Variants in RAB3B observed in about 807,000 individuals in gnomAD.
RAB3B encodes ras-related protein Rab-3B.
RAB3B carries 11 observed loss-of-function variants against 20.5 expected under a neutral mutation model. That is an observed-to-expected ratio of 0.54 (90% CI 0.34 to 0.89). The LOEUF (loss-of-function observed/expected upper bound fraction) is 0.89, where lower values mean the gene tolerates loss of function less well. Ranked by LOEUF, RAB3B falls within the 40% of genes least tolerant of loss-of-function variation. RAB3B has a pLI of 0.02. For synonymous variants in RAB3B, 99 were observed against 106.3 expected (o/e 0.93, Z 0.42); for missense variants, 225 against 280.9 (o/e 0.80, Z 1.42).
chr1:51,977,183 T>C (rs1685022541), intron 1 of RAB3B, 66 bp from the exon 2 acceptor site: 5 of 1,211,198 alleles, frequency 4.1e-6, no homozygotes, highest in Non-Finnish European at 6.1e-6. Flanking sequence ...ACCATCCTTC[T>C]AATGGTCACC....
At chr1:51,977,174 C>T (rs1382880717) in intron 1 of RAB3B, 57 bp from the exon 2 acceptor site, 2 of 1,359,842 alleles carry the variant, frequency 1.5e-6, no homozygotes, top group Admixed American at 3.4e-5. Context: ...CCCTGAGTCA[C>T]CATCCTTCTA....
chr1:51,923,254 A>G (rs146683727), intron 4 of RAB3B, among the ~76,000 whole-genome samples: 1 of 152,316 alleles, frequency 6.6e-6, no homozygotes, highest in Non-Finnish European at 1.5e-5. Flanking sequence ...TCTATCCCTT[A>G]TGCCTCCTTG....
At chr1:51,921,595 A>C (rs1382390277) in intron 4 of RAB3B, among the ~76,000 whole-genome samples, 1 of 151,864 alleles carries the variant, frequency 6.6e-6, no homozygotes, top group Non-Finnish European at 1.5e-5. Context: ...TCCGACTAAC[A>C]GTATCTGAGT....
At chr1:51,931,629 T>C (rs556837886) in intron 4 of RAB3B, among the ~76,000 whole-genome samples, 3 of 152,322 alleles carry the variant, frequency 2.0e-5, no homozygotes, top group African/African-American at 7.2e-5. Flanking sequence ...ATTCATTTCC[T>C]GTCTGCAGGG....
chr1:51,964,617 T>A (rs1371038282), intron 2 of RAB3B, among the ~76,000 whole-genome samples: 1 of 152,158 alleles, frequency 6.6e-6, no homozygotes, highest in Admixed American at 6.6e-5. Context: ...CTAAACCCTG[T>A]TCTTCCTGCA....
rs1228926868 is a variant in RAB3B at position 51,916,748 on chromosome 1, C to T, written c.*3179G>A. On this transcript the variant is annotated 3_prime_UTR_variant, in exon 5 of 5. Coordinates refer to ENST00000371655, the MANE Select transcript of RAB3B (RefSeq NM_002867.4). ...ACTGGGAAGCACTGGGCATTTTCTACCCAGGCCCATGGGATCTGTTGCCTC... is the reference window on the plus strand; with the variant it reads ...ACTGGGAAGCACTGGGCATTTTCTATCCAGGCCCATGGGATCTGTTGCCTC... 2 of 152,228 alleles carry T rather than the reference C, an allele frequency of 1.3e-5. No homozygotes were observed. Among genetic ancestry groups the T allele is most frequent in the East Asian group, 1.9e-4 (1 of 5,200 alleles). 9.4% of individuals were successfully genotyped at this position (152,228 alleles called of 1,614,324 possible).
chr1:51,958,583 C>T (rs1211634541), intron 2 of RAB3B, among the ~76,000 whole-genome samples: 6 of 152,218 alleles, frequency 3.9e-5, no homozygotes, highest in Admixed American at 2.0e-4. Context: ...ATTAGCCGGG[C>T]GTGGAGGCGC....
chr1:51,987,938 C>A (rs989318901), intron 1 of RAB3B, among the ~76,000 whole-genome samples: 6 of 151,966 alleles, frequency 3.9e-5, no homozygotes, highest in African/African-American at 1.5e-4. Context: ...AGTACAGTGG[C>A]CTGATCATAA....
intron 2 of RAB3B, among the ~76,000 whole-genome samples, chr1:51,969,965 G>C (rs1557975065): frequency 6.6e-6 from 1 of 151,926 alleles, no homozygotes; most frequent in Non-Finnish European, 1.5e-5. Context: ...AGCTACTAGG[G>C]AGGCTGAGGT....
At chr1:51,931,410 C>T (rs1684321954) in intron 4 of RAB3B, among the ~76,000 whole-genome samples, 2 of 152,186 alleles carry the variant, frequency 1.3e-5, no homozygotes, top group South Asian at 4.1e-4. Flanking sequence ...TTACTGTAGG[C>T]TTTCTCACTG....
intron 2 of RAB3B, among the ~76,000 whole-genome samples, chr1:51,972,405 G>A (rs888990636): frequency 5.3e-5 from 8 of 151,298 alleles, no homozygotes; most frequent in African/African-American, 1.9e-4. Flanking sequence ...TGGACTGAAT[G>A]TCTATGTCCT....
At chr1:51,976,273 CT>C in intron 2 of RAB3B, among the ~76,000 whole-genome samples, 1 of 152,200 alleles carries the variant, frequency 6.6e-6, no homozygotes, top group African/African-American at 2.4e-5. Flanking sequence ...TCAAGCAATC[CT>C]TCCACCTCAG....
At chr1:51,937,003 G>A (rs1177202557) in intron 3 of RAB3B, among the ~76,000 whole-genome samples, 1 of 151,966 alleles carries the variant, frequency 6.6e-6, no homozygotes, top group Non-Finnish European at 1.5e-5. Context: ...TAGTAGAGAC[G>A]GGGTTTCACC....
intron 2 of RAB3B, among the ~76,000 whole-genome samples, chr1:51,953,706 T>A (rs1236945534): frequency 6.6e-6 from 1 of 152,030 alleles, no homozygotes; most frequent in African/African-American, 2.4e-5. Flanking sequence ...GAGGCTGAGG[T>A]AGGAGAATCA....
At chr1:51,967,515 C>CTTT (rs67927521) in intron 2 of RAB3B, among the ~76,000 whole-genome samples, 46 of 16,404 alleles carry the variant, frequency 2.8e-3, no homozygotes, top group African/African-American at 4.0e-3. Flanking sequence ...CTTTTCTTTT[C>CTTT]TTTTTCTTTT....
chr1:51,981,438 C>T (rs1392826158), intron 1 of RAB3B, among the ~76,000 whole-genome samples: 1 of 152,194 alleles, frequency 6.6e-6, no homozygotes, highest in Non-Finnish European at 1.5e-5. Flanking sequence ...GTTCCCCTCC[C>T]CAGAGGCATA....
chr1:51,982,894 A>C (rs764584617), intron 1 of RAB3B, among the ~76,000 whole-genome samples: 26 of 152,206 alleles, frequency 1.7e-4, no homozygotes, highest in Non-Finnish European at 3.2e-4. Flanking sequence ...AATTTAGTGT[A>C]GCCTAAGTGT....
intron 3 of RAB3B, 57 bp downstream of exon 3, chr1:51,937,237 C>G (rs903747708): frequency 1.5e-6 from 2 of 1,334,108 alleles, no homozygotes; most frequent in Admixed American, 3.5e-5. Context: ...GGACCTAGCA[C>G]ATGTTAGGTT....
chr1:51,973,836 A>G (rs1243500269), intron 2 of RAB3B, among the ~76,000 whole-genome samples: 1 of 152,198 alleles, frequency 6.6e-6, no homozygotes, highest in Non-Finnish European at 1.5e-5. Context: ...GAAGGGCACA[A>G]TGCCTCCTCC....
Sources: allele counts gnomAD v4.1 joint callset (sites outside exome capture counted in the v4.1 genomes callset), GRCh38; gene constraint gnomAD v4.1.1; transcripts MANE v1.5; gene names NCBI Gene and HGNC (gene_info 2026-07-23, HGNC 2026-07-21).